The following MALRD1 variants were observed in gnomAD, a reference collection of about 807,000 sequenced individuals.
The protein encoded by MALRD1 is MAM and LDL receptor class A domain containing 1.
MALRD1 carries 247 observed loss-of-function variants against 242.1 expected under a neutral mutation model. The observed-to-expected ratio is 1.02, with a 90% CI of 0.92 to 1.13. The LOEUF is 1.13. Among genes scored for constraint, MALRD1 ranks in the 50% most tolerant of loss-of-function variants. The pLI, the probability that MALRD1 is intolerant of heterozygous loss-of-function variation, is 0.00. For synonymous variants in MALRD1, 995 were observed against 866.6 expected (o/e 1.15, Z -2.60); for missense variants, 2,989 against 2,533.1 (o/e 1.18, Z -3.86).
intron 18 of MALRD1, among the ~76,000 whole-genome samples, chr10:19,216,096 CTTCTTTCTTTCT>C (rs200642954): frequency 1.4e-5 from 2 of 143,034 alleles, no homozygotes; most frequent in South Asian, 4.4e-4. Context: ...TCTTTTTCTA[CTTCTTTCTTTCT>C]TTCTTTCTTT....
intron 2 of MALRD1, among the ~76,000 whole-genome samples, chr10:19,072,839 A>C (rs190133975): frequency 1.3e-5 from 2 of 152,130 alleles, no homozygotes; most frequent in South Asian, 4.1e-4. Context: ...TACTTTTAGT[A>C]CTTATTTGTA....
intron 2 of MALRD1, among the ~76,000 whole-genome samples, chr10:19,077,346 A>G (rs1835348865): frequency 6.6e-6 from 1 of 151,950 alleles, no homozygotes; most frequent in African/African-American, 2.4e-5. Flanking sequence ...GTGTGTTTAT[A>G]TGTGTTTTTA....
chr10:19,319,332 T>C (rs1001694505), intron 21 of MALRD1, among the ~76,000 whole-genome samples: 7 of 152,134 alleles, frequency 4.6e-5, no homozygotes, highest in Non-Finnish European at 8.8e-5. Context: ...TCAAGGTTCA[T>C]TTTTCCCCTC....
At chr10:19,627,643 C>A (rs1431279455) in intron 36 of MALRD1, among the ~76,000 whole-genome samples, 1 of 151,388 alleles carries the variant, frequency 6.6e-6, no homozygotes, top group Non-Finnish European at 1.5e-5. Context: ...TTCCTGTAAT[C>A]CCAGCTACAC....
At chr10:19,475,548 A>G (rs891876851) in intron 29 of MALRD1, among the ~76,000 whole-genome samples, 1 of 152,208 alleles carries the variant, frequency 6.6e-6, no homozygotes, top group Non-Finnish European at 1.5e-5. Flanking sequence ...TTCACAGCAA[A>G]CCTATTGAAT....
intron 33 of MALRD1, among the ~76,000 whole-genome samples, chr10:19,577,295 C>T (rs1589258609): frequency 6.6e-6 from 1 of 152,106 alleles, no homozygotes; most frequent in Non-Finnish European, 1.5e-5. Flanking sequence ...TATTGTGGGT[C>T]ATGAAGTCCT....
chr10:19,403,951 T>G (rs1309265438), intron 28 of MALRD1, among the ~76,000 whole-genome samples: 1 of 152,086 alleles, frequency 6.6e-6, no homozygotes, highest in Admixed American at 6.6e-5. Flanking sequence ...TAAGAAAACA[T>G]GTATTGTGAA....
chr10:19,283,894 C>T (rs183817022), intron 21 of MALRD1, among the ~76,000 whole-genome samples: 6 of 152,268 alleles, frequency 3.9e-5, no homozygotes, highest in East Asian at 1.9e-4. Context: ...TAGAAATAAA[C>T]GAGTGACTGA....
chr10:19,715,285 A>C (rs1442429036), intron 38 of MALRD1, among the ~76,000 whole-genome samples: 1 of 151,784 alleles, frequency 6.6e-6, no homozygotes, highest in Non-Finnish European at 1.5e-5. Context: ...CCATATAAGA[A>C]ACTAAACTAA....
intron 28 of MALRD1, among the ~76,000 whole-genome samples, chr10:19,403,804 A>G (rs1316623215): frequency 2.0e-5 from 3 of 152,118 alleles, no homozygotes; most frequent in Non-Finnish European, 1.5e-5. Flanking sequence ...AATATTCTTT[A>G]GTCTTTTTAG....
At chr10:19,083,707 G>T (rs1344404407) in intron 2 of MALRD1, among the ~76,000 whole-genome samples, 1 of 151,902 alleles carries the variant, frequency 6.6e-6, no homozygotes, top group Non-Finnish European at 1.5e-5. Context: ...TCTTGTGGCT[G>T]CCAGGCTTCA....
At chr10:19,476,268 G>T (rs1836725194) in intron 29 of MALRD1, among the ~76,000 whole-genome samples, 1 of 152,056 alleles carries the variant, frequency 6.6e-6, no homozygotes, top group African/African-American at 2.4e-5. Flanking sequence ...TTTTAGTACA[G>T]CATTCAGTCC....
intron 14 of MALRD1, among the ~76,000 whole-genome samples, chr10:19,194,363 C>T (rs1034137352): frequency 6.6e-6 from 1 of 152,240 alleles, no homozygotes; most frequent in African/African-American, 2.4e-5. Context: ...TAAGGACTCT[C>T]GAGTTACAAG....
At chr10:19,134,791 A>G (rs993667143) in intron 9 of MALRD1, among the ~76,000 whole-genome samples, 2 of 152,196 alleles carry the variant, frequency 1.3e-5, no homozygotes, top group Non-Finnish European at 2.9e-5. Context: ...AAAACAAAGT[A>G]AAATGTAAAG....
chr10:19,203,702 A>G (rs1836654596), intron 14 of MALRD1, 26 bp from the exon 15 acceptor site: 5 of 1,504,554 alleles, frequency 3.3e-6, no homozygotes, highest in African/African-American at 1.4e-5. Flanking sequence ...GAGAGCCAAC[A>G]TAAGAGCCAC....
intron 29 of MALRD1, among the ~76,000 whole-genome samples, chr10:19,467,493 A>T (rs1253156555): frequency 6.6e-6 from 1 of 151,116 alleles, no homozygotes; most frequent in Non-Finnish European, 1.5e-5. Flanking sequence ...ATTTAACCTT[A>T]ATTATCTCTT....
Position 19,595,447 on chromosome 10 carries a change from G to A in MALRD1, c.5934G>A (p.Glu1978=), listed in dbSNP as rs1277045004. Residue 1978 remains glutamate, a synonymous_variant, in exon 34 of 40, where the codon GAG becomes GAA. Transcript: ENST00000454679. ...GVPDCHFNED[E]LICSNKSCSN... is the part of the protein sequence containing the mutation. ...CCGACTGCCACTTTAATGAAGATGA[G>A]CTCATCTGCTGTGAGTTATTTTCAC... is the stretch of plus-strand genomic sequence containing the variant. The A allele has an allele frequency of 1.9e-6, 3 of 1,549,346 alleles. No homozygotes were observed. Among genetic ancestry groups the A allele is most frequent in the African/African-American group, 1.4e-5 (1 of 72,986 alleles).
intron 12 of MALRD1, among the ~76,000 whole-genome samples, chr10:19,165,260 TATA>T (rs1564435152): frequency 1.2e-5 from 1 of 84,734 alleles, no homozygotes; most frequent in Admixed American, 1.5e-4. Flanking sequence ...TATATATATA[TATA>T]TATTTTGTTT....
At chr10:19,174,047 ACT>A (rs1016661660) in intron 13 of MALRD1, among the ~76,000 whole-genome samples, 4 of 152,114 alleles carry the variant, frequency 2.6e-5, no homozygotes, top group African/African-American at 7.2e-5. Context: ...ACCAGGGAAA[ACT>A]CTCTATGTTT....
Sources: allele counts gnomAD v4.1 joint callset (sites outside exome capture counted in the v4.1 genomes callset), GRCh38; gene constraint gnomAD v4.1.1; transcripts MANE v1.5; gene names NCBI Gene and HGNC (gene_info 2026-07-23, HGNC 2026-07-21).